The following ELOVL2 variants were observed in gnomAD, a reference collection of about 807,000 sequenced individuals.
ELOVL2 encodes very long chain fatty acid elongase 2.
In ELOVL2, 38 loss-of-function variants were observed where a neutral mutation model predicts 37.7. The observed-to-expected ratio is 1.01, with a 90% CI of 0.78 to 1.32. The LOEUF (loss-of-function observed/expected upper bound fraction) is 1.32, where lower values mean the gene tolerates loss of function less well. Ranked by LOEUF, ELOVL2 falls within the 40% of genes most tolerant of loss-of-function variation. ELOVL2 has a pLI of 0.00. For synonymous variants in ELOVL2, 115 were observed against 122.3 expected, an observed-to-expected ratio of 0.94 and a Z score of 0.40; for missense variants, 352 against 363.6, an observed-to-expected ratio of 0.97 and a Z score of 0.26.
intron 1 of ELOVL2, among the ~76,000 whole-genome samples, chr6:11,029,451 A>G (rs1296184129): frequency 6.6e-6 from 1 of 152,192 alleles, no homozygotes; most frequent in African/African-American, 2.4e-5. Context: ...TTGTAAAAGC[A>G]TCTATGACAG....
rs184856664 is a variant in ELOVL2, at chr6:11,011,534, G to A, written c.4-725C>T. 2.4e-3 allele frequency among the ~76,000 whole-genome samples: 363 copies of A among 152,232 alleles called. 1 individual carries two copies. In the Middle Eastern group the frequency reaches 0.031, roughly 13 times the overall value. On this transcript the variant is annotated intron_variant, in intron 1 of 7. Transcript: ENST00000354666. ...TCCACAAAATATATTCATAAATCCA[G>A]TTTTAAAATGAAAATTCAGGCTGAA...
Position 11,044,095 on chromosome 6 carries a change from G to A in ELOVL2, c.3+133C>T, listed in dbSNP as rs1450184171. 2 of 1,187,728 alleles carry A rather than the reference G, an allele frequency of 1.7e-6. No homozygotes were observed. The highest frequency in any genetic ancestry group is 2.2e-6 in the Non-Finnish European group (2 of 922,918). The allele number at this position is 1,187,728 out of a possible 1,614,324, so 73.6% of individuals were successfully genotyped here. On this transcript the variant is annotated intron_variant, in intron 1 of 7. Transcript: ENST00000354666. This position sits in a 1 kb window ranked among gnomAD's most constrained non-coding sequence, Gnocchi z 5.6. ...AGGCCCGCGCGGACCCGGCCCCTCCGAGGGTAGCGGGTTCCAGCGGCGAAC... is the reference window on the plus strand; with the variant it reads ...AGGCCCGCGCGGACCCGGCCCCTCCAAGGGTAGCGGGTTCCAGCGGCGAAC...
intron 4 of ELOVL2, among the ~76,000 whole-genome samples, chr6:10,998,742 C>T (rs1782318721): frequency 6.6e-6 from 1 of 152,140 alleles, no homozygotes; most frequent in Non-Finnish European, 1.5e-5. Flanking sequence ...GGCCCATTAT[C>T]TAAGAAACCT....
chr6:11,012,115 C>G (rs909480012), intron 1 of ELOVL2, among the ~76,000 whole-genome samples: 2 of 152,162 alleles, frequency 1.3e-5, no homozygotes, highest in African/African-American at 4.8e-5. Flanking sequence ...GACTCTGATC[C>G]TGAGAGAAAT....
At chr6:11,034,043 TAA>T (rs1782973930) in intron 1 of ELOVL2, among the ~76,000 whole-genome samples, 1 of 152,168 alleles carries the variant, frequency 6.6e-6, no homozygotes, top group Non-Finnish European at 1.5e-5. Context: ...AAACAATTAG[TAA>T]GAAGTGGAGT....
chr6:11,006,544 A>G (rs1782486550), intron 2 of ELOVL2, among the ~76,000 whole-genome samples: 2 of 152,226 alleles, frequency 1.3e-5, no homozygotes, highest in Admixed American at 1.3e-4. Context: ...CCAACAGGCA[A>G]TGGCCTTTTC....
intron 6 of ELOVL2, 147 bp from the exon 7 acceptor site, chr6:10,989,984 A>C: frequency 1.1e-6 from 1 of 897,156 alleles, no homozygotes; most frequent in Non-Finnish European, 1.6e-6. Flanking sequence ...CAGCCCCCTC[A>C]TCCAGAAATC....
chr6:10,997,015 A>T (rs1211053425), intron 4 of ELOVL2, among the ~76,000 whole-genome samples: 1 of 152,084 alleles, frequency 6.6e-6, no homozygotes, highest in Non-Finnish European at 1.5e-5. Flanking sequence ...TGTCTCAAAA[A>T]AAAGGTCCAT....
At chr6:11,004,217 G>A (rs1561718652) in intron 3 of ELOVL2, among the ~76,000 whole-genome samples, 1 of 151,974 alleles carries the variant, frequency 6.6e-6, no homozygotes, top group Admixed American at 6.6e-5. Flanking sequence ...ATTAAGAATG[G>A]TACATATTAG....
intron 1 of ELOVL2, among the ~76,000 whole-genome samples, chr6:11,037,741 G>A (rs1783032878): frequency 6.6e-6 from 1 of 151,982 alleles, no homozygotes; most frequent in Admixed American, 6.6e-5. Context: ...ATTAGTCAGT[G>A]GATTAAGTTT....
intron 1 of ELOVL2, among the ~76,000 whole-genome samples, chr6:11,015,402 AT>A (rs1280665522): frequency 6.6e-6 from 1 of 152,154 alleles, no homozygotes; most frequent in African/African-American, 2.4e-5. Flanking sequence ...GATCTATGTA[AT>A]TGAAGAGCCA....
chr6:11,010,863 C>G lies in ELOVL2; in HGVS notation c.4-54G>C. 11 of 1,430,846 alleles carry G rather than the reference C, an allele frequency of 7.7e-6. No homozygotes were observed. In the East Asian group the frequency reaches 9.2e-5, roughly 12 times the overall value. 88.6% of individuals were successfully genotyped at this position (1,430,846 alleles called of 1,614,324 possible). On this transcript the variant is annotated intron_variant, in intron 1 of 7. Coordinates refer to ENST00000354666, the MANE Select transcript of ELOVL2 (RefSeq NM_017770.4). ...GTGTTTTTTTCTTCTTTTTTTGAAA[C>G]GGTCAAAACAAGCCACTACCAACAA...
Position 10,995,096 on chromosome 6 carries a change from G to GT in ELOVL2, c.415dup (p.Thr139AsnfsTer17), listed in dbSNP as rs751245099. On this transcript the variant is annotated frameshift_variant, in exon 5 of 8. Transcript: ENST00000354666. LOFTEE classifies it high-confidence loss of function. The stretch of plus-strand genomic sequence containing the variant: ...TACATGAAGAAAAGTAATCTGACTC[G>GT]TTTTTTTCCGCAAAACGAAGAAAAT... 10 of 1,612,686 alleles carry GT rather than the reference G, an allele frequency of 6.2e-6. No individual in the cohort carries two copies. The East Asian group carries it at 8.9e-5, about 14-fold the overall frequency.
intron 1 of ELOVL2, among the ~76,000 whole-genome samples, chr6:11,013,868 C>CG (rs1554112767): frequency 8.0e-5 from 11 of 136,786 alleles, no homozygotes; most frequent in Non-Finnish European, 1.6e-4. Flanking sequence ...CTCCACAAAG[C>CG]AAAAAAAAAA....
At chr6:10,992,077 TCTC>T (rs1297053960) in intron 5 of ELOVL2, among the ~76,000 whole-genome samples, 1 of 152,224 alleles carries the variant, frequency 6.6e-6, no homozygotes, top group African/African-American at 2.4e-5. Flanking sequence ...CCTTGGTAAT[TCTC>T]CTCTAATATT....
At position 10,982,125 on chromosome 6, in the gene ELOVL2, C is replaced by T. The variant is rs1048397936; in HGVS notation, c.*1656G>A. ...AGACATCTGTTCAACAGAAATGGGT[C>T]GGCCGCACTGAAGGGAAGGAAGCAG... On this transcript the variant is annotated 3_prime_UTR_variant, in exon 8 of 8. Transcript: ENST00000354666. 2 of 152,186 alleles carry T rather than the reference C, an allele frequency of 1.3e-5. No homozygotes were observed. Among genetic ancestry groups the T allele is most frequent in the Non-Finnish European group, 2.9e-5 (2 of 68,058 alleles). The allele number at this position is 152,186 out of a possible 1,614,324, so 9.4% of individuals were successfully genotyped here.
intron 3 of ELOVL2, among the ~76,000 whole-genome samples, chr6:11,001,997 A>T (rs1485140908): frequency 6.6e-6 from 1 of 152,230 alleles, no homozygotes; most frequent in Non-Finnish European, 1.5e-5. Flanking sequence ...TTTTGCTAAC[A>T]TTCTTGCCAA....
intron 1 of ELOVL2, among the ~76,000 whole-genome samples, chr6:11,014,144 A>C (rs973274633): frequency 6.6e-6 from 1 of 152,238 alleles, no homozygotes; most frequent in Admixed American, 6.5e-5. Context: ...TACTTACCAC[A>C]GTTGGTAGGA....
intron 7 of ELOVL2, among the ~76,000 whole-genome samples, chr6:10,985,049 T>G (rs1221824219): frequency 3.3e-5 from 5 of 152,170 alleles, no homozygotes; most frequent in South Asian, 2.1e-4. Flanking sequence ...TTTTAATGAC[T>G]GCCATTCTAA....
Sources: gnomAD v4.1 joint callset for allele counts (sites outside exome capture counted in the v4.1 genomes callset) on GRCh38, gnomAD v4.1.1 for gene constraint, Gnocchi (gnomAD v3.1) non-coding constraint, MANE v1.5 for transcripts, NCBI Gene and HGNC (gene_info 2026-07-23, HGNC 2026-07-21) for gene names.